Variants in CCDC12 observed in about 807,000 individuals in gnomAD.
The protein encoded by CCDC12 is coiled-coil domain containing 12.
In CCDC12, 28 loss-of-function variants were observed where a neutral mutation model predicts 25.7. The observed-to-expected ratio is 1.09, with a 90% CI of 0.81 to 1.50. The LOEUF (loss-of-function observed/expected upper bound fraction) is 1.50, where lower values mean the gene tolerates loss of function less well. Ranked by LOEUF, CCDC12 falls within the 40% of genes most tolerant of loss-of-function variation. The pLI is 0.00. For missense variants in CCDC12, 198 were observed against 210.0 expected, an observed-to-expected ratio of 0.94 and a Z score of 0.35; for synonymous variants, 75 against 87.7, an observed-to-expected ratio of 0.86 and a Z score of 0.81.
At chr3:46,962,605 T>A (rs541301263) in intron 1 of CCDC12, among the ~76,000 whole-genome samples, 1 of 151,954 alleles carries the variant, frequency 6.6e-6, no homozygotes, top group Non-Finnish European at 1.5e-5. Context: ...GTGAAAGACA[T>A]GAACAGGCAC....
chr3:46,924,421 C>T (rs571789681), intron 3 of CCDC12, among the ~76,000 whole-genome samples: 5 of 152,218 alleles, frequency 3.3e-5, no homozygotes, highest in East Asian at 3.8e-4. Context: ...AAGCAAATCA[C>T]GGGGAAGTGT....
intron 1 of CCDC12, among the ~76,000 whole-genome samples, chr3:46,944,287 C>T (rs905093854): frequency 3.9e-5 from 6 of 152,166 alleles, no homozygotes; most frequent in African/African-American, 1.2e-4. Context: ...GCCAAGGAGA[C>T]GAGAGAGAGG....
At chr3:46,940,131 G>A (rs998679124) in intron 2 of CCDC12, among the ~76,000 whole-genome samples, 4 of 152,232 alleles carry the variant, frequency 2.6e-5, no homozygotes, top group Admixed American at 6.5e-5. Flanking sequence ...CTGCTGACAC[G>A]GGAGTGGTAG....
rs558315290 is a variant in CCDC12 at position 46,928,240 on chromosome 3, CAA to C, written c.165-2707_165-2706del. On this transcript the variant is annotated intron_variant, in intron 2 of 6. Transcript: ENST00000683445. ...CTCCAGCCTAGGCTGCAGACTGTCT[CAA>C]AAAAAAAAAATGTATATATATGTAT... Among the ~76,000 whole-genome samples, 1,014 of 139,376 alleles carry C rather than the reference CAA, an allele frequency of 7.3e-3. 11 individuals carry two copies. Among genetic ancestry groups the C allele is most frequent in the African/African-American group, 0.026 (970 of 37,936 alleles). 91.4% of individuals were successfully genotyped at this position (139,376 alleles called of 152,430 possible).
Position 46,941,064 on chromosome 3 carries a change from T to A in CCDC12, c.98A>T (p.Asp33Val), listed in dbSNP as rs547537137. The change falls in exon 2 of 7, where the codon GAC (aspartate) becomes GTC (valine). Residue 33 changes from aspartate (D) to valine (V), a missense_variant and splice_region_variant. Transcript: ENST00000683445. ...GGTCTTTGGCTCCCCATCTTCCTTG[T>A]CCTGCAAAGAAAGGGAGAAAACCAC... ...KALREKTGRK[D>V]KEDGEPKTKH... 1.2e-6 allele frequency: 2 copies of A among 1,614,148 alleles called. No individual in the cohort carries two copies. Among genetic ancestry groups the A allele is most frequent in the African/African-American group, 2.7e-5 (2 of 75,040 alleles).
intron 6 of CCDC12, 38 bp downstream of exon 6, chr3:46,922,198 A>G: frequency 6.2e-7 from 1 of 1,613,802 alleles, no homozygotes; most frequent in South Asian, 1.1e-5. Context: ...GCCACCACCC[A>G]GTGGGCAGGA....
intron 1 of CCDC12, among the ~76,000 whole-genome samples, chr3:46,962,790 G>A (rs2034502607): frequency 6.6e-6 from 1 of 152,182 alleles, no homozygotes; most frequent in South Asian, 2.1e-4. Context: ...AAATAGTAGA[G>A]CCATTTTGCA....
intron 1 of CCDC12, among the ~76,000 whole-genome samples, chr3:46,951,768 A>T: frequency 9.2e-6 from 1 of 108,986 alleles, no homozygotes; most frequent in Non-Finnish European, 1.9e-5. Flanking sequence ...CGACAGAACG[A>T]GACTCCGTCT....
intron 2 of CCDC12, among the ~76,000 whole-genome samples, chr3:46,931,444 CATCA>C (rs1456801760): frequency 2.0e-5 from 3 of 152,198 alleles, no homozygotes; most frequent in African/African-American, 4.8e-5. Flanking sequence ...GATCCAACCC[CATCA>C]CTGGCAAACT....
At chr3:46,979,820 G>C, upstream of CCDC12, 1 of 411,434 alleles carries the variant, frequency 2.4e-6, no homozygotes, top group East Asian at 3.8e-5. Context: ...CGGAGGAGGC[G>C]GCGACAGGTG....
chr3:46,980,337 G>T (rs919033106), upstream of CCDC12, among the ~76,000 whole-genome samples: 5 of 152,302 alleles, frequency 3.3e-5, no homozygotes, highest in African/African-American at 9.6e-5. Flanking sequence ...CCTTGGGCGC[G>T]GCCTGATTGG....
intron 5 of CCDC12, 53 bp downstream of exon 5, chr3:46,923,276 G>A (rs2032766614): frequency 6.9e-7 from 1 of 1,446,250 alleles, no homozygotes; most frequent in Admixed American, 2.5e-5. Flanking sequence ...GCCCATGCTG[G>A]CACCAAGAGT....
intron 2 of CCDC12, among the ~76,000 whole-genome samples, chr3:46,940,432 G>A (rs140204505): frequency 6.6e-6 from 1 of 152,196 alleles, no homozygotes; most frequent in African/African-American, 2.4e-5. Flanking sequence ...TGAAGCCAGA[G>A]GGACACAGAC....
intron 1 of CCDC12, among the ~76,000 whole-genome samples, chr3:46,967,716 T>A (rs1174021438): frequency 2.6e-5 from 4 of 152,110 alleles, no homozygotes; most frequent in Admixed American, 2.6e-4. Flanking sequence ...CATAGCTGTA[T>A]CCCCAGGGCC....
chr3:46,979,086 G>A (rs528953198), upstream of CCDC12, among the ~76,000 whole-genome samples: 7 of 152,318 alleles, frequency 4.6e-5, no homozygotes, highest in South Asian at 1.5e-3. Context: ...AATGGGGGGA[G>A]CCCCTCCACT....
chr3:46,941,218 T>C (rs1162299318), intron 1 of CCDC12, among the ~76,000 whole-genome samples, 153 bp from the exon 2 acceptor site: 1 of 152,210 alleles, frequency 6.6e-6, no homozygotes, highest in Non-Finnish European at 1.5e-5. Flanking sequence ...ACACGCCTGC[T>C]GCATCTCATA....
intron 1 of CCDC12, among the ~76,000 whole-genome samples, chr3:46,945,342 C>T (rs75985329): frequency 0.038 from 5,808 of 152,322 alleles, 152 homozygotes; most frequent in Middle Eastern, 0.071. Context: ...TGGGCTGGGG[C>T]CCTCCCCATA....
upstream of CCDC12, among the ~76,000 whole-genome samples, chr3:46,978,430 T>C (rs561808389): frequency 4.2e-4 from 64 of 151,940 alleles, no homozygotes; most frequent in Non-Finnish European, 8.4e-4. Context: ...CTGGAACGAG[T>C]AGCACCCCTC....
At chr3:46,963,737 T>C (rs1198370156) in intron 1 of CCDC12, among the ~76,000 whole-genome samples, 4 of 152,376 alleles carry the variant, frequency 2.6e-5, no homozygotes, top group East Asian at 1.9e-4. Context: ...GGATTGCAGA[T>C]GGAGTCTCGT....
Sources: allele counts gnomAD v4.1 joint callset (sites outside exome capture counted in the v4.1 genomes callset), GRCh38; gene constraint gnomAD v4.1.1; transcripts MANE v1.5; gene names NCBI Gene and HGNC (gene_info 2026-07-23, HGNC 2026-07-21).